The following AGPAT4 variants were observed in gnomAD, a reference collection of about 807,000 sequenced individuals.
AGPAT4 encodes 1-acyl-sn-glycerol-3-phosphate acyltransferase delta.
A neutral mutation model predicts 48.0 loss-of-function variants in AGPAT4; 15 were observed. The observed-to-expected ratio is 0.31, with a 90% CI of 0.21 to 0.48. The LOEUF (loss-of-function observed/expected upper bound fraction) is 0.48. AGPAT4 is among the 20% of genes least tolerant of loss of function. The pLI is 0.99. For missense variants in AGPAT4, 314 were observed against 482.5 expected (o/e 0.65, Z 3.27); for synonymous variants, 178 against 198.7 (o/e 0.90, Z 0.88).
chr6:161,209,931 T>C (rs733766), intron 2 of AGPAT4, among the ~76,000 whole-genome samples: 15,221 of 152,090 alleles, frequency 0.1, 796 homozygotes, highest in Non-Finnish European at 0.12. Flanking sequence ...TGTTTCGTTT[T>C]GTTTTGTTTT....
At chr6:161,209,385 C>T (rs1229651579) in intron 2 of AGPAT4, among the ~76,000 whole-genome samples, 4 of 152,196 alleles carry the variant, frequency 2.6e-5, no homozygotes, top group Admixed American at 1.3e-4. Context: ...GAAAGCCTTG[C>T]CAAGCTGCTA....
In AGPAT4 at chr6:161,234,590, G is replaced by A. The variant is rs968050223; in HGVS notation, c.-89-2288C>T. Among the ~76,000 whole-genome samples, 6 of 152,152 alleles carry A rather than the reference G, an allele frequency of 3.9e-5. No homozygotes were observed. Among genetic ancestry groups the A allele is most frequent in the Non-Finnish European group, 8.8e-5 (6 of 68,030 alleles). ...ACATAAATAGGAGGGGTTTACATGGGTTTGCAGCTTGGCAGCAGTAACAGT... is the reference window on the plus strand; with the variant it reads ...ACATAAATAGGAGGGGTTTACATGGATTTGCAGCTTGGCAGCAGTAACAGT... On this transcript the variant is annotated intron_variant, in intron 1 of 8. Transcript: ENST00000320285. This position sits in a 1 kb window ranked among gnomAD's most constrained non-coding sequence, Gnocchi z 4.4.
rs922847819 is a variant in AGPAT4, at chr6:161,208,076, C to T, written c.178+23960G>A. Among the ~76,000 whole-genome samples the T allele has an allele frequency of 2.6e-5, 4 of 152,008 alleles. No homozygotes were observed. Among genetic ancestry groups the T allele is most frequent in the African/African-American group, 9.7e-5 (4 of 41,364 alleles). On this transcript the variant is annotated intron_variant, in intron 2 of 8. Transcript: ENST00000320285. The surrounding 1 kb of genome is among the most constrained non-coding windows in gnomAD (Gnocchi z 4.6). ...TCCTAGGCTTCATTATTAATATTTC[C>T]TCCACCTCACAATCCTGTTAGTCTT... is the stretch of plus-strand genomic sequence containing the variant.
At position 161,184,101 on chromosome 6, in the gene AGPAT4, G is replaced by C. The variant is rs1369267763; in HGVS notation, c.179-17684C>G. ...GGTTTTGCCCACTGGTGTACATCCA[G>C]TGCCTGGAACTGGGGACACATTTCA... is the stretch of plus-strand genomic sequence containing the variant. On this transcript the variant is annotated intron_variant, in intron 2 of 8. Coordinates refer to ENST00000320285, the MANE Select transcript of AGPAT4 (RefSeq NM_020133.3). The surrounding 1 kb of genome is among the most constrained non-coding windows in gnomAD (Gnocchi z 4.8). 2.0e-5 allele frequency among the ~76,000 whole-genome samples: 3 copies of C among 152,128 alleles called. No individual in the cohort carries two copies. Among genetic ancestry groups the C allele is most frequent in the Non-Finnish European group, 4.4e-5 (3 of 68,024 alleles).
rs114124005 is a variant in AGPAT4, at chr6:161,141,038, A to G, written c.844-1418T>C. On this transcript the variant is annotated intron_variant, in intron 7 of 8. Coordinates refer to ENST00000320285, the MANE Select transcript of AGPAT4 (RefSeq NM_020133.3). The surrounding 1 kb of genome is among the most constrained non-coding windows in gnomAD (Gnocchi z 6.7). ...TTTCCTTTAACAACTTGAGATAGAA[A>G]AGTCTAAAGTATCTCATACTTTTCT... 3.5e-4 allele frequency among the ~76,000 whole-genome samples: 54 copies of G among 152,246 alleles called. No individual in the cohort carries two copies. Among genetic ancestry groups the G allele is most frequent in the African/African-American group, 1.2e-3 (50 of 41,548 alleles).
chr6:161,149,040 G>T lies in AGPAT4; in HGVS notation c.767+147C>A. The T allele has an allele frequency of 9.0e-7, 1 of 1,108,850 alleles. No individual in the cohort carries two copies. The highest frequency in any genetic ancestry group is 1.8e-5 in the South Asian group (1 of 56,670). The allele number at this position is 1,108,850 out of a possible 1,614,324, so 68.7% of individuals were successfully genotyped here. ...GAGACTTCAGCAGATCATTCCAATA[G>T]TAGGATGTGTCAAATTCAATGCAAA... On this transcript the variant is annotated intron_variant, in intron 6 of 8. Transcript: ENST00000320285. The surrounding 1 kb of genome is among the most constrained non-coding windows in gnomAD (Gnocchi z 6.5).
intron 2 of AGPAT4, among the ~76,000 whole-genome samples, chr6:161,224,254 A>G (rs1056250350): frequency 2.0e-5 from 3 of 152,190 alleles, no homozygotes; most frequent in Non-Finnish European, 4.4e-5. Flanking sequence ...GTGCCCAAAC[A>G]TGGGATGGAT....
chr6:161,248,305 T>G (rs1333534991), intron 1 of AGPAT4, among the ~76,000 whole-genome samples: 1 of 152,066 alleles, frequency 6.6e-6, no homozygotes, highest in Non-Finnish European at 1.5e-5. Context: ...CTGGGCGCGG[T>G]GGCTCACGCC....
chr6:161,212,142 T>A lies in AGPAT4; in HGVS notation c.178+19894A>T, dbSNP rs184464641. 5.7e-3 allele frequency among the ~76,000 whole-genome samples: 867 copies of A among 152,316 alleles called. 4 individuals carry two copies. The highest frequency in any genetic ancestry group is 0.02 in the African/African-American group (831 of 41,560). The stretch of plus-strand genomic sequence containing the variant: ...TCCTCAGTAAATGTTATAAAGGTTA[T>A]AAAAGGCTTATGGAAGCTGTATCTT... On this transcript the variant is annotated intron_variant, in intron 2 of 8. Coordinates refer to ENST00000320285, the MANE Select transcript of AGPAT4 (RefSeq NM_020133.3). This position sits in a 1 kb window ranked among gnomAD's most constrained non-coding sequence, Gnocchi z 6.1.
Position 161,198,255 on chromosome 6 carries a change from A to G in AGPAT4, c.179-31838T>C, listed in dbSNP as rs769566385. Among the ~76,000 whole-genome samples, 1 of 152,236 alleles carries G rather than the reference A, an allele frequency of 6.6e-6. No individual in the cohort carries two copies. The highest frequency in any genetic ancestry group is 1.5e-5 in the Non-Finnish European group (1 of 68,046). On this transcript the variant is annotated intron_variant, in intron 2 of 8. Coordinates refer to ENST00000320285, the MANE Select transcript of AGPAT4 (RefSeq NM_020133.3). This position sits in a 1 kb window ranked among gnomAD's most constrained non-coding sequence, Gnocchi z 4.3. ...TTATACTTCTTGCTTGTACGTAAAT[A>G]TAATCTCAAGTAATTTTTCATGCTT...
At chr6:161,269,021 T>C (rs1361365144) in intron 1 of AGPAT4, among the ~76,000 whole-genome samples, 5 of 152,318 alleles carry the variant, frequency 3.3e-5, no homozygotes, top group African/African-American at 1.2e-4. Context: ...CAGTGTATTA[T>C]GGGAAATCAG....
rs967473358 is a variant in AGPAT4 at position 161,225,039 on chromosome 6, C to T, written c.178+6997G>A. Among the ~76,000 whole-genome samples the T allele has an allele frequency of 2.6e-5, 4 of 151,904 alleles. No homozygotes were observed. The highest frequency in any genetic ancestry group is 9.7e-5 in the African/African-American group (4 of 41,350). On this transcript the variant is annotated intron_variant, in intron 2 of 8. Transcript: ENST00000320285. The surrounding 1 kb of genome is among the most constrained non-coding windows in gnomAD (Gnocchi z 5.0). ...CTTCACCCTGACTCCTTCCAACTAC[C>T]TGCTCCACCCTGACTCATTCCGATT...
chr6:161,199,659 T>C (rs1781168983), intron 2 of AGPAT4, among the ~76,000 whole-genome samples: 1 of 152,056 alleles, frequency 6.6e-6, no homozygotes, highest in Admixed American at 6.6e-5. Context: ...ATGGGGTGGA[T>C]TTCCCCCTTG....
rs982316609 is a variant in AGPAT4, at chr6:161,138,931, G to A, written c.1042+491C>T. ...AGAATACCGGTCACCTGGAGCCAGC[G>A]CAGACCCATGAAAAGCTCTGTCGCC... On this transcript the variant is annotated intron_variant, in intron 8 of 8. Coordinates refer to ENST00000320285, the MANE Select transcript of AGPAT4 (RefSeq NM_020133.3). This position sits in a 1 kb window ranked among gnomAD's most constrained non-coding sequence, Gnocchi z 4.8. Among the ~76,000 whole-genome samples the A allele has an allele frequency of 1.3e-5, 2 of 152,062 alleles. No homozygotes were observed. The highest frequency in any genetic ancestry group is 2.4e-5 in the African/African-American group (1 of 41,394).
chr6:161,186,563 A>G (rs1017740200), intron 2 of AGPAT4, among the ~76,000 whole-genome samples: 2 of 151,610 alleles, frequency 1.3e-5, no homozygotes, highest in African/African-American at 4.8e-5. Context: ...ATGACCTTCT[A>G]CCCAGTCTCT....
rs757952612 is a variant in AGPAT4, at chr6:161,261,527, G to A, written c.-90+12411C>T. 1.3e-5 allele frequency among the ~76,000 whole-genome samples: 2 copies of A among 152,152 alleles called. No individual in the cohort carries two copies. Among genetic ancestry groups the A allele is most frequent in the Non-Finnish European group, 2.9e-5 (2 of 68,026 alleles). ...TGCTCCAGGGAAACGCCCGGCTCAC[G>A]GCTGACTCATGATGGGACCTGTCAG... is the stretch of plus-strand genomic sequence containing the variant. On this transcript the variant is annotated intron_variant, in intron 1 of 8. Transcript: ENST00000320285. The surrounding 1 kb of genome is among the most constrained non-coding windows in gnomAD (Gnocchi z 5.3).
In AGPAT4 at chr6:161,245,124, G is replaced by A. The variant is rs1411077975; in HGVS notation, c.-89-12822C>T. Among the ~76,000 whole-genome samples, 1 of 152,230 alleles carries A rather than the reference G, an allele frequency of 6.6e-6. No homozygotes were observed. Among genetic ancestry groups the A allele is most frequent in the Non-Finnish European group, 1.5e-5 (1 of 68,046 alleles). ...ACCTCCTTGGGAATCGAGAAATTGCGACTCTATTCATGGTGGAATAAATAA... is the reference window on the plus strand; with the variant it reads ...ACCTCCTTGGGAATCGAGAAATTGCAACTCTATTCATGGTGGAATAAATAA... On this transcript the variant is annotated intron_variant, in intron 1 of 8. Coordinates refer to ENST00000320285, the MANE Select transcript of AGPAT4 (RefSeq NM_020133.3). This position sits in a 1 kb window ranked among gnomAD's most constrained non-coding sequence, Gnocchi z 5.2.
Position 161,255,293 on chromosome 6 carries a change from G to T in AGPAT4, c.-90+18645C>A, listed in dbSNP as rs1220043482. Among the ~76,000 whole-genome samples the T allele has an allele frequency of 6.6e-6, 1 of 152,166 alleles. No individual in the cohort carries two copies. The highest frequency in any genetic ancestry group is 2.4e-5 in the African/African-American group (1 of 41,434). On this transcript the variant is annotated intron_variant, in intron 1 of 8. Coordinates refer to ENST00000320285, the MANE Select transcript of AGPAT4 (RefSeq NM_020133.3). This position sits in a 1 kb window ranked among gnomAD's most constrained non-coding sequence, Gnocchi z 4.7. The stretch of plus-strand genomic sequence containing the variant: ...TCTTTCGCTTCAGAAAAGATTTTGG[G>T]AAGTGAATGAAACACATCCAGCTGT...
chr6:161,130,879 TACAG>T lies in AGPAT4; in HGVS notation c.*5657_*5660del, dbSNP rs1351827104. On this transcript the variant is annotated 3_prime_UTR_variant, in exon 9 of 9. Coordinates refer to ENST00000320285, the MANE Select transcript of AGPAT4 (RefSeq NM_020133.3). The stretch of plus-strand genomic sequence containing the variant: ...TTTCCTTCCTCATGATCTGCAAAGA[TACAG>T]AGAGAATGGCATTCCAAAATTCCAT... The T allele has an allele frequency of 1.9e-6, 1 of 518,942 alleles. No individual in the cohort carries two copies. Among genetic ancestry groups the T allele is most frequent in the African/African-American group, 1.9e-5 (1 of 51,968 alleles). 32.1% of individuals were successfully genotyped at this position (518,942 alleles called of 1,614,324 possible).
Sources: gnomAD v4.1 joint callset for allele counts (sites outside exome capture counted in the v4.1 genomes callset) on GRCh38, gnomAD v4.1.1 for gene constraint, Gnocchi (gnomAD v3.1) non-coding constraint, MANE v1.5 for transcripts, NCBI Gene and HGNC (gene_info 2026-07-23, HGNC 2026-07-21) for gene names.